The following CCDC66 variants were observed in gnomAD, a reference collection of about 807,000 sequenced individuals.
CCDC66 encodes coiled-coil domain-containing protein 66.
Under a neutral mutation model 128.3 loss-of-function variants are expected in CCDC66, and 133 were observed. The ratio of observed to expected loss-of-function variants is 1.04; its 90% CI spans 0.90 to 1.20. CCDC66 has a LOEUF of 1.20. CCDC66 is among the 50% of genes most tolerant of loss of function. CCDC66 has a pLI of 0.00. For synonymous variants in CCDC66, 387 were observed against 357.0 expected, an observed-to-expected ratio of 1.08 and a Z score of -0.95; for missense variants, 1,126 against 1,075.5, an observed-to-expected ratio of 1.05 and a Z score of -0.66.
At position 56,603,266 on chromosome 3, in the gene CCDC66, G is replaced by T. The variant is rs369233308; in HGVS notation, c.1404+9238G>T. Among the ~76,000 whole-genome samples, 18 of 151,892 alleles carry T rather than the reference G, an allele frequency of 1.2e-4. No individual in the cohort carries two copies. The East Asian group carries it at 3.3e-3, about 28-fold the overall frequency. On this transcript the variant is annotated intron_variant, in intron 10 of 17. Coordinates refer to ENST00000394672, the MANE Select transcript of CCDC66 (RefSeq NM_001141947.3). ...TGGATTCATTGATTTTTTTTGAAGG[G>T]TTTCGTGTCTGTATCTCCTACAGTT...
chr3:56,581,386 C>T (rs1430805391), intron 7 of CCDC66, among the ~76,000 whole-genome samples: 4 of 151,588 alleles, frequency 2.6e-5, no homozygotes, highest in East Asian at 2.0e-4. Flanking sequence ...TTGTTATTAC[C>T]GATCGTCTGA....
chr3:56,621,598 A>T lies in CCDC66; in HGVS notation c.2827A>T (p.Ser943Cys), dbSNP rs759505821. The change falls in exon 18 of 18, where the codon AGT becomes TGT. Residue 943 changes from serine to cysteine, a missense_variant. Physicochemically the swap from Ser to Cys is moderately radical, Grantham distance 112. Transcript: ENST00000394672. ...GCCTTTAGCTGAAAATCAAGAAGAGAGTTTTGGTTCTTCATTTTAAATGTA... is the reference window on the plus strand; with the variant it reads ...GCCTTTAGCTGAAAATCAAGAAGAGTGTTTTGGTTCTTCATTTTAAATGTA... ...LLPLAENQEESFGSSF is the reference protein window; with the variant it reads ...LLPLAENQEECFGSSF The T allele has an allele frequency of 4.4e-6, 7 of 1,598,470 alleles. No individual in the cohort carries two copies. Among genetic ancestry groups the T allele is most frequent in the South Asian group, 2.3e-5 (2 of 87,908 alleles).
In CCDC66 at chr3:56,559,599, GC is replaced by G; in HGVS notation, c.102+7del. 6.5e-7 allele frequency: 1 copy of G among 1,532,452 alleles called. No homozygotes were observed. Among genetic ancestry groups the G allele is most frequent in the Non-Finnish European group, 8.8e-7 (1 of 1,138,372 alleles). 94.9% of individuals were successfully genotyped at this position (1,532,452 alleles called of 1,614,324 possible). On this transcript the variant is annotated splice_donor_region_variant and intron_variant, in intron 3 of 17. Coordinates refer to ENST00000394672, the MANE Select transcript of CCDC66 (RefSeq NM_001141947.3). ...AAATCAAAAATTTCTGTGAAGGTAA[GC>G]CGTATAACTTTGACCTGACCTGTTT... is the stretch of plus-strand genomic sequence containing the variant.
At chr3:56,565,069 A>T in intron 4 of CCDC66, 1 of 303,942 alleles carries the variant, frequency 3.3e-6, no homozygotes, top group Admixed American at 3.9e-5. Flanking sequence ...CACATTCAAA[A>T]GAAATCAGAA....
intron 7 of CCDC66, among the ~76,000 whole-genome samples, chr3:56,579,760 T>G (rs2068013815): frequency 6.6e-6 from 1 of 151,928 alleles, no homozygotes; most frequent in Non-Finnish European, 1.5e-5. Context: ...TTGATTGCAC[T>G]GTAGTCTGAG....
rs3064563 is a variant in CCDC66 at position 56,597,777 on chromosome 3, G to GTTTTTTTTTTTTTTTTTTTTT, written c.1404+3764_1404+3765insTTTTTTTTTTTTTTTTTTTTT. ...TGTGGAGTCTAGGTTTTGTTTTGGGGTTTTTTTTTTTTTTTGAGACAGAGC... is the reference window on the plus strand; with the variant it reads ...TGTGGAGTCTAGGTTTTGTTTTGGGGTTTTTTTTTTTTTTTTTTTTTTTTTTTTTTTTTTTTGAGACAGAGC... On this transcript the variant is annotated intron_variant, in intron 10 of 17. Coordinates refer to ENST00000394672, the MANE Select transcript of CCDC66 (RefSeq NM_001141947.3). Among the ~76,000 whole-genome samples the GTTTTTTTTTTTTTTTTTTTTT allele has an allele frequency of 9.3e-3, 820 of 87,866 alleles. 89 individuals are homozygous for GTTTTTTTTTTTTTTTTTTTTT. The highest frequency in any genetic ancestry group is 0.012 in the East Asian group (28 of 2,326). 57.6% of individuals were successfully genotyped at this position (87,866 alleles called of 152,430 possible).
intron 7 of CCDC66, among the ~76,000 whole-genome samples, chr3:56,582,458 T>G (rs1345736037): frequency 2.0e-5 from 3 of 151,818 alleles, no homozygotes; most frequent in Non-Finnish European, 4.4e-5. Context: ...AATGCAGAAA[T>G]CACCTGTCTT....
intron 7 of CCDC66, among the ~76,000 whole-genome samples, chr3:56,573,670 G>A (rs538264920): frequency 5.1e-4 from 77 of 152,266 alleles, no homozygotes; most frequent in Non-Finnish European, 9.6e-4. Flanking sequence ...GCATCAGGTG[G>A]TTGGTTGGTA....
Position 56,618,691 on chromosome 3 carries a change from T to C in CCDC66, c.2378+479T>C, listed in dbSNP as rs570557391. 2.1e-3 allele frequency: 346 copies of C among 160,972 alleles called. 17 individuals are homozygous for C. In the South Asian group the frequency reaches 0.059, roughly 28 times the overall value. 10.0% of individuals were successfully genotyped at this position (160,972 alleles called of 1,614,324 possible). A position where few individuals can be genotyped will look rare whatever the true frequency, so the allele number is the denominator to read the frequency against. On this transcript the variant is annotated intron_variant, in intron 15 of 17. Transcript: ENST00000394672. ...AAGTTTCATTCAAATGGTGAGTACATTATTGTATGGTGAATTATCTAAGGA... is the reference window on the plus strand; with the variant it reads ...AAGTTTCATTCAAATGGTGAGTACACTATTGTATGGTGAATTATCTAAGGA...
Position 56,593,635 on chromosome 3 carries a change from A to G in CCDC66, c.1213A>G (p.Ser405Gly). ...SPDTQELADV[S>G]SVCTPTTGSQ... ...TGACACTCAGGAGCTGGCTGATGTC[A>G]GCAGTGTTTGTACACCTACAACCGG... The change falls in exon 9 of 18, where the codon AGC becomes GGC. Residue 405 changes from serine (S) to glycine (G), a missense_variant. Coordinates refer to ENST00000394672, the MANE Select transcript of CCDC66 (RefSeq NM_001141947.3). 1 of 1,614,222 alleles carries G rather than the reference A, an allele frequency of 6.2e-7. No homozygotes were observed. The highest frequency in any genetic ancestry group is 8.5e-7 in the Non-Finnish European group (1 of 1,180,042).
At chr3:56,603,247 C>A (rs964285910) in intron 10 of CCDC66, among the ~76,000 whole-genome samples, 2 of 152,000 alleles carry the variant, frequency 1.3e-5, no homozygotes, top group African/African-American at 4.8e-5. Context: ...CTCCTGGATT[C>A]ATTGATTTTT....
intron 17 of CCDC66, 136 bp downstream of exon 17, chr3:56,620,037 T>C (rs1331693998): frequency 3.4e-6 from 3 of 894,512 alleles, no homozygotes; most frequent in Non-Finnish European, 4.9e-6. Context: ...TCCTGTATGT[T>C]TGTTAGACAC....
chr3:56,620,146 GT>G (rs1663769397), intron 17 of CCDC66: 3 of 244,024 alleles, frequency 1.2e-5, no homozygotes, highest in Non-Finnish European at 2.3e-5. Flanking sequence ...ATTAAGACAA[GT>G]TTATTGAGTA....
rs574529253 is a variant in CCDC66 at position 56,621,722 on chromosome 3, T to C, written c.*104T>C. 2,687 of 733,936 alleles carry C rather than the reference T, an allele frequency of 3.7e-3. 100 individuals carry two copies. The South Asian group carries it at 0.052, about 14-fold the overall frequency. The allele number at this position is 733,936 out of a possible 1,614,324, so 45.5% of individuals were successfully genotyped here. Reference sequence around the variant, plus strand: ...TCAAATAGCCTAGATTTACTTATTTTTTTAAATGCTCATTAAAAACTTGTA... The same window carrying C: ...TCAAATAGCCTAGATTTACTTATTTCTTTAAATGCTCATTAAAAACTTGTA... On this transcript the variant is annotated 3_prime_UTR_variant, in exon 18 of 18. Coordinates refer to ENST00000394672, the MANE Select transcript of CCDC66 (RefSeq NM_001141947.3).
At chr3:56,618,076 C>A in intron 14 of CCDC66, 96 bp from the exon 15 acceptor site, 2 of 960,480 alleles carry the variant, frequency 2.1e-6, no homozygotes, top group Non-Finnish European at 3.4e-6. Context: ...TCAAATATTA[C>A]CCTCAGACTA....
At chr3:56,605,335 T>G (rs1178364760) in intron 10 of CCDC66, among the ~76,000 whole-genome samples, 1 of 152,106 alleles carries the variant, frequency 6.6e-6, no homozygotes, top group Non-Finnish European at 1.5e-5. Flanking sequence ...TGTGATCCTT[T>G]GGAGGAGAAG....
In CCDC66 at chr3:56,592,991, C is replaced by A. The variant is rs952612769; in HGVS notation, c.958C>A (p.Pro320Thr). Residue 320 changes from proline to threonine, a missense_variant, in exon 8 of 18, where the codon CCT becomes ACT. Transcript: ENST00000394672. ...TTAGGAAACAGTACTGCTGGAGCAC[C>A]CTTTCAGTGCTGTGAAACAAGAACT... is the stretch of plus-strand genomic sequence containing the variant. ...QSRETVLLEH[P>T]FSAVKQELQR... is the part of the protein sequence containing the mutation. The A allele has an allele frequency of 1.9e-6, 3 of 1,609,712 alleles. No individual in the cohort carries two copies. The highest frequency in any genetic ancestry group is 2.5e-6 in the Non-Finnish European group (3 of 1,178,768).
chr3:56,592,928 AAG>A (rs760547404), intron 7 of CCDC66, 40 bp from the exon 8 acceptor site: 1 of 1,592,132 alleles, frequency 6.3e-7, no homozygotes, highest in South Asian at 1.2e-5. Flanking sequence ...TGATTAGAAA[AAG>A]AGAACTGAAC....
intron 16 of CCDC66, 94 bp downstream of exon 16, chr3:56,619,621 TAG>T: frequency 6.7e-7 from 1 of 1,496,106 alleles, no homozygotes; most frequent in East Asian, 2.3e-5. Context: ...TTCCTGCACT[TAG>T]TTCTATAAAG....
Sources: allele counts gnomAD v4.1 joint callset (sites outside exome capture counted in the v4.1 genomes callset), GRCh38; gene constraint gnomAD v4.1.1; transcripts MANE v1.5; gene names NCBI Gene and HGNC (gene_info 2026-07-23, HGNC 2026-07-21).